Variants in AHCYL1 observed in about 807,000 individuals in gnomAD.
AHCYL1 encodes the protein S-adenosylhomocysteine hydrolase-like protein 1.
AHCYL1 carries 20 observed loss-of-function variants against 79.3 expected under a neutral mutation model. The observed-to-expected ratio is 0.25, with a 90% CI of 0.18 to 0.37. AHCYL1 has a LOEUF of 0.37. AHCYL1 is among the 10% of genes least tolerant of loss of function. The pLI is 1.00. For synonymous variants in AHCYL1, 223 were observed against 242.2 expected, an observed-to-expected ratio of 0.92 and a Z score of 0.74; for missense variants, 330 against 673.6, an observed-to-expected ratio of 0.49 and a Z score of 5.65.
At chr1:109,992,741 CT>C (rs1204583996) in intron 1 of AHCYL1, among the ~76,000 whole-genome samples, 3 of 152,198 alleles carry the variant, frequency 2.0e-5, no homozygotes, top group Non-Finnish European at 4.4e-5. Context: ...GGTTCTTACT[CT>C]TTGAGTCAGA....
At chr1:109,990,145 C>G (rs762341788) in intron 1 of AHCYL1, among the ~76,000 whole-genome samples, 7 of 152,186 alleles carry the variant, frequency 4.6e-5, no homozygotes, top group Non-Finnish European at 7.3e-5. Context: ...GTTCCTAAAA[C>G]TGTGAGTAGT....
chr1:109,998,347 G>A lies in AHCYL1; in HGVS notation c.121-10687G>A, dbSNP rs563143263. Among the ~76,000 whole-genome samples, 6 of 152,220 alleles carry A rather than the reference G, an allele frequency of 3.9e-5. 1 individual carries two copies. The South Asian group carries it at 1.0e-3, about 26-fold the overall frequency. On this transcript the variant is annotated intron_variant, in intron 1 of 16. Transcript: ENST00000369799. ...AAAAATTCTTATTCTTGGGCCAGGT[G>A]TGGTGGCTCTTGCCTGTAATGCTAG...
intron 2 of AHCYL1, among the ~76,000 whole-genome samples, chr1:110,010,092 C>T (rs1650925102): frequency 6.6e-6 from 1 of 152,114 alleles, no homozygotes; most frequent in African/African-American, 2.4e-5. Flanking sequence ...GACAAGCAGG[C>T]TAACTGTAGC....
intron 1 of AHCYL1, among the ~76,000 whole-genome samples, chr1:110,002,653 CAT>C (rs1171086060): frequency 3.9e-5 from 6 of 152,108 alleles, no homozygotes; most frequent in Non-Finnish European, 8.8e-5. Context: ...AGGATATTAA[CAT>C]GATGAAAAAA....
At chr1:110,015,978 TACTC>T (rs1191926952) in intron 7 of AHCYL1, among the ~76,000 whole-genome samples, 3 of 152,166 alleles carry the variant, frequency 2.0e-5, no homozygotes, top group Non-Finnish European at 1.5e-5. Context: ...TGCGCATGCT[TACTC>T]ACACACACAC....
At chr1:110,008,022 G>GT (rs5776999) in intron 1 of AHCYL1, among the ~76,000 whole-genome samples, 87 of 87,394 alleles carry the variant, frequency 1.0e-3, no homozygotes, top group African/African-American at 2.1e-3. Context: ...TTTTTTTTGG[G>GT]TTTTTTTTTT....
chr1:110,016,636 G>A (rs760583703), intron 8 of AHCYL1, 31 bp from the exon 9 acceptor site: 20 of 1,613,464 alleles, frequency 1.2e-5, no homozygotes, highest in South Asian at 4.4e-5. Flanking sequence ...AGCTATTAAC[G>A]TTTGAGTTGA....
At chr1:110,008,287 G>A (rs1400657190) in intron 1 of AHCYL1, among the ~76,000 whole-genome samples, 3 of 152,020 alleles carry the variant, frequency 2.0e-5, no homozygotes, top group Middle Eastern at 3.2e-3. Flanking sequence ...GATTACAGGC[G>A]TGAGCCACTG....
At chr1:110,017,605 T>C (rs748394745) in intron 10 of AHCYL1, 22 bp downstream of exon 10, 2 of 1,604,932 alleles carry the variant, frequency 1.2e-6, no homozygotes, top group Admixed American at 3.4e-5. Flanking sequence ...GTGATAATAC[T>C]ATTAGATTCA....
At chr1:110,014,621 A>G in intron 5 of AHCYL1, 142 bp from the exon 6 acceptor site, 1 of 579,560 alleles carries the variant, frequency 1.7e-6, no homozygotes, top group Non-Finnish European at 3.0e-6. Flanking sequence ...ACCAAAAGTG[A>G]TTCTTTGACT....
chr1:110,002,015 G>A (rs976972321), intron 1 of AHCYL1, among the ~76,000 whole-genome samples: 2 of 152,152 alleles, frequency 1.3e-5, no homozygotes, highest in African/African-American at 4.8e-5. Flanking sequence ...CATTAGTCTT[G>A]TCATTTTGAA....
chr1:110,008,980 C>T lies in AHCYL1; in HGVS notation c.121-54C>T, dbSNP rs1650847577. The T allele has an allele frequency of 2.3e-6, 3 of 1,298,516 alleles. No homozygotes were observed. The South Asian group carries it at 3.8e-5, about 16-fold the overall frequency. The allele number at this position is 1,298,516 out of a possible 1,614,324, so 80.4% of individuals were successfully genotyped here. On this transcript the variant is annotated intron_variant, in intron 1 of 16. Transcript: ENST00000369799. ...GACAATGTATCCTTAAAAAAAAAAA[C>T]ATTTCATGGATTTTCCTTATAAGTT...
Position 110,009,091 on chromosome 1 carries a change from C to T in AHCYL1, c.178C>T (p.Arg60Ter). 6.2e-7 allele frequency: 1 copy of T among 1,613,990 alleles called. No individual in the cohort carries two copies. Among genetic ancestry groups the T allele is most frequent in the Non-Finnish European group, 8.5e-7 (1 of 1,179,910 alleles). The part of the protein sequence containing the change: ...EFTKFPTKTG[R>*]RSLSRSISQS... The stretch of plus-strand genomic sequence containing the variant: ...CACCAAATTCCCCACCAAAACTGGC[C>T]GAAGATCTTTGTCTCGCTCGATCTC... Residue 60 changes from arginine (R) to a stop codon, truncating the protein, a stop_gained, in exon 2 of 17, where the codon CGA becomes TGA. Coordinates refer to ENST00000369799, the MANE Select transcript of AHCYL1 (RefSeq NM_006621.7). LOFTEE classifies it high-confidence loss of function.
At chr1:109,985,287 G>A in intron 1 of AHCYL1, 115 bp downstream of exon 1, 1 of 1,430,738 alleles carries the variant, frequency 7.0e-7, no homozygotes. Flanking sequence ...GGACGGCGGA[G>A]GTGATGTAGG....
intron 14 of AHCYL1, 46 bp downstream of exon 14, chr1:110,019,165 C>A: frequency 6.4e-7 from 1 of 1,565,008 alleles, no homozygotes; most frequent in Non-Finnish European, 8.8e-7. Context: ...ATTTGTGGAA[C>A]TGGGCGTAGA....
At chr1:109,985,260 C>T (rs534162999) in intron 1 of AHCYL1, 88 bp downstream of exon 1, 2 of 1,488,860 alleles carry the variant, frequency 1.3e-6, no homozygotes, top group Non-Finnish European at 9.0e-7. Context: ...TAGTTTGGGA[C>T]TTCTGGGGGT....
intron 3 of AHCYL1, 86 bp downstream of exon 3, chr1:110,011,443 G>C: frequency 6.4e-7 from 1 of 1,550,600 alleles, no homozygotes; most frequent in Non-Finnish European, 8.8e-7. Flanking sequence ...CTTGAAAGCT[G>C]ACTTGAAAGT....
At chr1:109,987,283 CT>C (rs1238391137) in intron 1 of AHCYL1, among the ~76,000 whole-genome samples, 4 of 152,322 alleles carry the variant, frequency 2.6e-5, no homozygotes, top group African/African-American at 7.2e-5. Context: ...AACATTAAGA[CT>C]TAAGTCACTT....
At position 110,009,164 on chromosome 1, in the gene AHCYL1, C is replaced by T. The variant is rs1419912875; in HGVS notation, c.232+19C>T. The T allele has an allele frequency of 2.3e-5, 36 of 1,582,124 alleles. No homozygotes were observed. Among genetic ancestry groups the T allele is most frequent in the Non-Finnish European group, 3.1e-5 (36 of 1,152,286 alleles). ...AGTTCAGGTAGGTGTGAATGAACTC[C>T]ATGTCCTCTCTAATCTCTCTTCCCT... On this transcript the variant is annotated intron_variant, in intron 2 of 16. Coordinates refer to ENST00000369799, the MANE Select transcript of AHCYL1 (RefSeq NM_006621.7).
Sources: allele counts gnomAD v4.1 joint callset (sites outside exome capture counted in the v4.1 genomes callset), GRCh38; gene constraint gnomAD v4.1.1; transcripts MANE v1.5; gene names NCBI Gene and HGNC (gene_info 2026-07-23, HGNC 2026-07-21).